Variants in MUSK observed in about 807,000 individuals in gnomAD.
The protein encoded by MUSK is muscle, skeletal receptor tyrosine-protein kinase.
Under a neutral mutation model 88.7 loss-of-function variants are expected in MUSK, and 55 were observed. That is an observed-to-expected ratio of 0.62 (90% CI 0.50 to 0.78). The LOEUF (loss-of-function observed/expected upper bound fraction) is 0.78, where lower values mean the gene tolerates loss of function less well. Among genes scored for constraint, MUSK ranks in the 30% least tolerant of loss-of-function variants. The probability of loss-of-function intolerance (pLI) is 0.00; values close to 1 mark genes in which losing one functional copy is unlikely to be tolerated. For missense variants in MUSK, 1,015 were observed against 1,074.3 expected (o/e 0.94, Z 0.77); for synonymous variants, 387 against 391.9 (o/e 0.99, Z 0.15).
At chr9:110,690,522 AAAT>A (rs1175011927) in intron 3 of MUSK, among the ~76,000 whole-genome samples, 1 of 23,230 alleles carries the variant, frequency 4.3e-5, no homozygotes, top group Admixed American at 4.8e-4. Flanking sequence ...ATATATATTT[AAAT>A]ATAAGTATAT....
intron 8 of MUSK, among the ~76,000 whole-genome samples, chr9:110,767,524 A>G (rs1354410691): frequency 6.6e-6 from 1 of 152,206 alleles, no homozygotes; most frequent in Non-Finnish European, 1.5e-5. Context: ...GTCAGATTCT[A>G]TTTATAATGT....
intron 8 of MUSK, among the ~76,000 whole-genome samples, chr9:110,766,128 A>T (rs2077480773): frequency 6.6e-6 from 1 of 152,060 alleles, no homozygotes; most frequent in Admixed American, 6.5e-5. Flanking sequence ...GGGTAGAGTA[A>T]ATGTTTAGGT....
At position 110,784,590 on chromosome 9, in the gene MUSK, A is replaced by G. The variant is rs68053014; in HGVS notation, c.1385-225A>G. On this transcript the variant is annotated intron_variant, in intron 11 of 14. Transcript: ENST00000374448. ...AAGATCTACATTTATCTCAGAAAAA[A>G]AAAACCTATTTCCTCTCTCTGAGTC... Among the ~76,000 whole-genome samples the G allele has an allele frequency of 0.052, 7,854 of 152,240 alleles. 512 individuals carry two copies. The highest frequency in any genetic ancestry group is 0.15 in the African/African-American group (6,261 of 41,528).
At chr9:110,733,717 C>G (rs2076993048) in intron 5 of MUSK, among the ~76,000 whole-genome samples, 1 of 152,038 alleles carries the variant, frequency 6.6e-6, no homozygotes, top group Non-Finnish European at 1.5e-5. Flanking sequence ...GTCAGGAACT[C>G]TGCCTGAAAC....
intron 11 of MUSK, among the ~76,000 whole-genome samples, chr9:110,779,541 T>C (rs1242194861): frequency 1.3e-5 from 2 of 152,178 alleles, no homozygotes; most frequent in African/African-American, 4.8e-5. Context: ...CCATGTTTAC[T>C]TTTTACTGGC....
intron 5 of MUSK, chr9:110,728,718 G>A (rs770565711): frequency 2.2e-5 from 35 of 1,569,808 alleles, no homozygotes; most frequent in Non-Finnish European, 2.8e-5. Context: ...GATACTAAAG[G>A]TATTTTTTTT....
chr9:110,767,734 A>T (rs2077505730), intron 8 of MUSK, 86 bp from the exon 9 acceptor site: 2 of 1,479,760 alleles, frequency 1.4e-6, no homozygotes, highest in African/African-American at 1.4e-5. Context: ...TGAGACACAG[A>T]TGTGAAAACC....
chr9:110,767,680 T>G, intron 8 of MUSK, 140 bp from the exon 9 acceptor site: 1 of 865,576 alleles, frequency 1.2e-6, no homozygotes, highest in South Asian at 1.4e-5. Flanking sequence ...AATATTCAAA[T>G]GGAGCGTGTC....
intron 8 of MUSK, among the ~76,000 whole-genome samples, chr9:110,767,532 T>A: frequency 6.6e-6 from 1 of 152,304 alleles, no homozygotes; most frequent in South Asian, 2.1e-4. Context: ...CTATTTATAA[T>A]GTAAAATATT....
intron 7 of MUSK, chr9:110,748,067 T>C (rs1171766253): frequency 1.7e-6 from 1 of 598,402 alleles, no homozygotes; most frequent in African/African-American, 1.8e-5. Context: ...CTTCTTGTTT[T>C]TCTTATCTTT....
intron 5 of MUSK, among the ~76,000 whole-genome samples, chr9:110,721,710 C>A (rs1290138954): frequency 2.6e-5 from 4 of 152,112 alleles, no homozygotes; most frequent in African/African-American, 9.6e-5. Context: ...GGAAATACCA[C>A]GATTACTCTT....
At chr9:110,770,114 G>C (rs943786781) in intron 9 of MUSK, among the ~76,000 whole-genome samples, 3 of 151,646 alleles carry the variant, frequency 2.0e-5, no homozygotes, top group African/African-American at 7.3e-5. Flanking sequence ...TTGCATTAGA[G>C]ACTTTGGGTT....
chr9:110,800,313 T>G lies in MUSK; in HGVS notation c.1935T>G (p.Cys645Trp). The G allele has an allele frequency of 6.2e-7, 1 of 1,607,252 alleles. No homozygotes were observed. Among genetic ancestry groups the G allele is most frequent in the Admixed American group, 1.7e-5 (1 of 59,838 alleles). The change falls in exon 15 of 15, where the codon TGT becomes TGG. Residue 645 changes from cysteine to tryptophan, a missense_variant. Physicochemically the swap from Cys to Trp is radical, Grantham distance 215. Coordinates refer to ENST00000374448, the MANE Select transcript of MUSK (RefSeq NM_005592.4). Reference protein sequence around the residue: ...NPNIVKLLGVCAVGKPMCLLF... With the variant: ...NPNIVKLLGVWAVGKPMCLLF... ...ATGGTCTTTTGGTTCCAGGAGTGTG[T>G]GCTGTCGGGAAGCCAATGTGCCTGC...
At chr9:110,708,511 A>T (rs1211430517) in intron 5 of MUSK, among the ~76,000 whole-genome samples, 2 of 152,178 alleles carry the variant, frequency 1.3e-5, no homozygotes, top group Non-Finnish European at 2.9e-5. Context: ...CCAAACAAAG[A>T]AAAAAATCAC....
At chr9:110,766,664 G>A (rs541194062) in intron 8 of MUSK, among the ~76,000 whole-genome samples, 13 of 152,158 alleles carry the variant, frequency 8.5e-5, no homozygotes, top group Non-Finnish European at 1.6e-4. Flanking sequence ...TTGGGGTCAC[G>A]TAACAATTTT....
At chr9:110,682,859 A>C in intron 2 of MUSK, 59 bp downstream of exon 2, 2 of 1,216,716 alleles carry the variant, frequency 1.6e-6, no homozygotes, top group Non-Finnish European at 2.3e-6. Context: ...AGGTGTATAT[A>C]TATGTATATA....
At chr9:110,702,297 C>A (rs1057069700) in intron 5 of MUSK, among the ~76,000 whole-genome samples, 1 of 152,002 alleles carries the variant, frequency 6.6e-6, no homozygotes, top group Non-Finnish European at 1.5e-5. Context: ...AGGTGCTCAT[C>A]TCCATAACCT....
intron 6 of MUSK, among the ~76,000 whole-genome samples, chr9:110,746,866 C>G (rs923571366): frequency 1.3e-5 from 2 of 152,152 alleles, no homozygotes; most frequent in African/African-American, 4.8e-5. Context: ...ACCATTTTTC[C>G]TGACAACCAT....
chr9:110,748,104 C>T (rs1236085732), intron 7 of MUSK: 2 of 474,470 alleles, frequency 4.2e-6, no homozygotes, highest in Non-Finnish European at 8.2e-6. Flanking sequence ...TCTCTTTCCT[C>T]CCTCCCTCCT....
Sources: gnomAD v4.1 joint callset for allele counts (sites outside exome capture counted in the v4.1 genomes callset) on GRCh38, gnomAD v4.1.1 for gene constraint, MANE v1.5 for transcripts, NCBI Gene and HGNC (gene_info 2026-07-23, HGNC 2026-07-21) for gene names.